Variants in SLC44A1 observed in about 807,000 individuals in gnomAD.
The protein encoded by SLC44A1 is choline transporter-like protein 1.
A neutral mutation model predicts 79.3 loss-of-function variants in SLC44A1; 26 were observed. The ratio of observed to expected loss-of-function variants is 0.33; its 90% CI spans 0.24 to 0.46. The LOEUF is 0.46. Among genes scored for constraint, SLC44A1 ranks in the 20% least tolerant of loss-of-function variants. The probability of loss-of-function intolerance (pLI) is 1.00; values close to 1 mark genes in which losing one functional copy is unlikely to be tolerated. For missense variants in SLC44A1, 688 were observed against 798.1 expected, an observed-to-expected ratio of 0.86 and a Z score of 1.66; for synonymous variants, 263 against 286.2, an observed-to-expected ratio of 0.92 and a Z score of 0.82.
chr9:105,320,255 C>G (rs760818206), intron 3 of SLC44A1, among the ~76,000 whole-genome samples: 12 of 146,238 alleles, frequency 8.2e-5, no homozygotes, highest in Non-Finnish European at 1.3e-4. Context: ...TATCTGTTCA[C>G]TAGGTTTTTT....
At chr9:105,293,026 G>T (rs1049839766) in intron 1 of SLC44A1, among the ~76,000 whole-genome samples, 1 of 152,140 alleles carries the variant, frequency 6.6e-6, no homozygotes, top group Non-Finnish European at 1.5e-5. Context: ...GCATGGTGGT[G>T]TGTGCCTGTA....
At position 105,327,737 on chromosome 9, in the gene SLC44A1, C is replaced by G. The variant is rs1290170385; in HGVS notation, c.270-7826C>G. Among the ~76,000 whole-genome samples, 6 of 152,290 alleles carry G rather than the reference C, an allele frequency of 3.9e-5. No homozygotes were observed. In the South Asian group the frequency reaches 1.2e-3, roughly 32 times the overall value. Reference sequence around the variant, plus strand: ...CCCCTTTCATCCACACTGGTTAACTCTTACTCATTCTTTAGGTCCCAGCTT... The same window carrying G: ...CCCCTTTCATCCACACTGGTTAACTGTTACTCATTCTTTAGGTCCCAGCTT... On this transcript the variant is annotated intron_variant, in intron 3 of 15. Transcript: ENST00000374720.
At chr9:105,352,834 C>T (rs1827496260) in intron 5 of SLC44A1, among the ~76,000 whole-genome samples, 1 of 151,940 alleles carries the variant, frequency 6.6e-6, no homozygotes, top group South Asian at 2.1e-4. Context: ...TTCAATGACT[C>T]GATTATTACT....
chr9:105,268,325 G>A (rs770076756), intron 1 of SLC44A1, among the ~76,000 whole-genome samples: 3 of 151,962 alleles, frequency 2.0e-5, no homozygotes, highest in Non-Finnish European at 4.4e-5. Context: ...CAGCTTTTTC[G>A]AGTGTACTAG....
At chr9:105,408,365 A>G (rs886404757) in intron 15 of SLC44A1, among the ~76,000 whole-genome samples, 2 of 152,166 alleles carry the variant, frequency 1.3e-5, no homozygotes, top group Non-Finnish European at 2.9e-5. Flanking sequence ...AGGTAAACAT[A>G]AAAGCTAGTA....
intron 3 of SLC44A1, among the ~76,000 whole-genome samples, chr9:105,335,103 T>C (rs528115230): frequency 4.3e-4 from 66 of 152,256 alleles, no homozygotes; most frequent in African/African-American, 1.5e-3. Context: ...TATTCATTTT[T>C]GGAATTATAT....
chr9:105,409,880 C>G (rs1829073918), intron 15 of SLC44A1, among the ~76,000 whole-genome samples: 1 of 152,134 alleles, frequency 6.6e-6, no homozygotes, highest in Admixed American at 6.5e-5. Context: ...TAATAGACAT[C>G]TGTAGAGCAC....
In SLC44A1 at chr9:105,361,141, C is replaced by T. The variant is rs763701411; in HGVS notation, c.761-50C>T. ...AAGAAAATTGAGAATTTATGTTACA[C>T]ATTTTCTTATCCTAATTATTGCATT... On this transcript the variant is annotated intron_variant, in intron 7 of 15. Coordinates refer to ENST00000374720, the MANE Select transcript of SLC44A1 (RefSeq NM_080546.5). 4.5e-6 allele frequency: 7 copies of T among 1,562,002 alleles called. No homozygotes were observed. In the South Asian group the frequency reaches 7.8e-5, roughly 17 times the overall value.
intron 15 of SLC44A1, among the ~76,000 whole-genome samples, chr9:105,421,463 C>T (rs191990508): frequency 2.0e-5 from 3 of 152,202 alleles, no homozygotes; most frequent in East Asian, 1.9e-4. Flanking sequence ...AGCATTAGAG[C>T]CACCGTCATT....
chr9:105,390,430 CAAAAAA>C lies in SLC44A1; in HGVS notation c.*1390_*1395del, dbSNP rs34048538. 2.9e-4 allele frequency: 240 copies of C among 824,782 alleles called. No homozygotes were observed. The highest frequency in any genetic ancestry group is 8.9e-4 in the South Asian group (15 of 16,840). 51.1% of individuals were successfully genotyped at this position (824,782 alleles called of 1,614,324 possible). A position where few individuals can be genotyped will look rare whatever the true frequency, so the allele number is the denominator to read the frequency against. Reference sequence around the variant, plus strand: ...TATTGCACTAAATACAGGCTCTGTACAAAAAAAAAAAAAAAAAAAAAGCCTCAGCAT... The same window carrying C: ...TATTGCACTAAATACAGGCTCTGTACAAAAAAAAAAAAAAAGCCTCAGCAT... On this transcript the variant is annotated 3_prime_UTR_variant, in exon 16 of 16. Transcript: ENST00000374720.
chr9:105,393,660 T>C lies in SLC44A1; in HGVS notation c.*4604T>C. 1 of 984,662 alleles carries C rather than the reference T, an allele frequency of 1.0e-6. No individual in the cohort carries two copies. The highest frequency in any genetic ancestry group is 1.2e-6 in the Non-Finnish European group (1 of 829,232). The allele number at this position is 984,662 out of a possible 1,614,324, so 61.0% of individuals were successfully genotyped here. ...TTTCTTCCCATCTTGATTTTGTACA[T>C]GTAAAGACAAATGATGATTCAGTTT... On this transcript the variant is annotated 3_prime_UTR_variant, in exon 16 of 16. Coordinates refer to ENST00000374720, the MANE Select transcript of SLC44A1 (RefSeq NM_080546.5).
At chr9:105,403,436 C>T (rs547709573) in intron 15 of SLC44A1, among the ~76,000 whole-genome samples, 38 of 152,114 alleles carry the variant, frequency 2.5e-4, no homozygotes, top group African/African-American at 8.4e-4. Flanking sequence ...GTTGTTACCT[C>T]ATACCTTATT....
chr9:105,271,031 T>C (rs1166456411), intron 1 of SLC44A1, among the ~76,000 whole-genome samples: 1 of 152,234 alleles, frequency 6.6e-6, no homozygotes, highest in African/African-American at 2.4e-5. Flanking sequence ...TTCTATTCTT[T>C]GATGCCATCT....
chr9:105,261,775 C>CTT (rs35530318), intron 1 of SLC44A1, among the ~76,000 whole-genome samples: 1,278 of 111,458 alleles, frequency 0.011, 13 homozygotes, highest in African/African-American at 0.018. Context: ...CTCTCTCTCT[C>CTT]TTTTTTTTTT....
At chr9:105,265,159 A>T (rs1829932272) in intron 1 of SLC44A1, among the ~76,000 whole-genome samples, 1 of 152,062 alleles carries the variant, frequency 6.6e-6, no homozygotes, top group African/African-American at 2.4e-5. Flanking sequence ...TTTATTTTTT[A>T]ATTTACATAC....
chr9:105,339,249 A>T (rs1369572009), intron 4 of SLC44A1, among the ~76,000 whole-genome samples: 10 of 152,178 alleles, frequency 6.6e-5, no homozygotes, highest in Admixed American at 6.5e-4. Context: ...AAACACTGAA[A>T]ATCACACAAG....
At chr9:105,424,319 C>A (rs1439025990) in intron 15 of SLC44A1, among the ~76,000 whole-genome samples, 16 of 152,226 alleles carry the variant, frequency 1.1e-4, no homozygotes, top group Admixed American at 1.0e-3. Flanking sequence ...CCAGATACTT[C>A]TTCCTAAGGA....
chr9:105,286,476 A>G (rs1291036680), intron 1 of SLC44A1, among the ~76,000 whole-genome samples: 4 of 152,240 alleles, frequency 2.6e-5, no homozygotes, highest in African/African-American at 9.6e-5. Context: ...GCTCAATAAT[A>G]TTAGCTAAAA....
chr9:105,272,436 T>C (rs920089005), intron 1 of SLC44A1, among the ~76,000 whole-genome samples: 10 of 152,178 alleles, frequency 6.6e-5, no homozygotes, highest in Non-Finnish European at 1.3e-4. Context: ...TGCAGTGCTA[T>C]GCAGAGGCAT....
Sources: allele counts gnomAD v4.1 joint callset (sites outside exome capture counted in the v4.1 genomes callset), GRCh38; gene constraint gnomAD v4.1.1; transcripts MANE v1.5; gene names NCBI Gene and HGNC (gene_info 2026-07-23, HGNC 2026-07-21).